PLPP4: variants seen among roughly 807,000 people sequenced by gnomAD.
PLPP4 encodes diacylglycerol pyrophosphate like 2.
In PLPP4, 20 loss-of-function variants were observed where a neutral mutation model predicts 32.2. The ratio of observed to expected loss-of-function variants is 0.62; its 90% CI spans 0.44 to 0.90. The LOEUF (loss-of-function observed/expected upper bound fraction) is 0.90. Among genes scored for constraint, PLPP4 ranks in the 40% least tolerant of loss-of-function variants. The pLI is 0.00. For synonymous variants in PLPP4, 127 were observed against 133.0 expected (o/e 0.95, Z 0.31); for missense variants, 257 against 353.1 (o/e 0.73, Z 2.18).
chr10:120,519,264 A>G (rs1467547595), intron 4 of PLPP4, among the ~76,000 whole-genome samples: 1 of 152,102 alleles, frequency 6.6e-6, no homozygotes, highest in African/African-American at 2.4e-5. Flanking sequence ...GATGAGACAT[A>G]TGGATTGGCA....
At chr10:120,517,298 A>G (rs1416626658) in intron 3 of PLPP4, among the ~76,000 whole-genome samples, 2 of 152,176 alleles carry the variant, frequency 1.3e-5, no homozygotes, top group South Asian at 2.1e-4. Flanking sequence ...TTTTGCGGCA[A>G]TCTCACAACC....
Position 120,478,716 on chromosome 10 carries a change from T to A in PLPP4, c.56+21355T>A, listed in dbSNP as rs1844047815. 5.9e-5 allele frequency among the ~76,000 whole-genome samples: 9 copies of A among 152,354 alleles called. No homozygotes were observed. In the South Asian group the frequency reaches 1.9e-3, roughly 32 times the overall value. On this transcript the variant is annotated intron_variant, in intron 1 of 6. Coordinates refer to ENST00000398250, the MANE Select transcript of PLPP4 (RefSeq NM_001030059.3). ...TTCCCTTGGTTTTATGCCTTCAGCA[T>A]TTTCCTATGCCAAATATTCTTTCTT...
chr10:120,547,413 AGTGG>A (rs1847678489), intron 5 of PLPP4, among the ~76,000 whole-genome samples: 1 of 152,192 alleles, frequency 6.6e-6, no homozygotes, highest in African/African-American at 2.4e-5. Flanking sequence ...ACATTTTTGA[AGTGG>A]ACGTTGAAAA....
At chr10:120,472,761 A>G (rs1197681253) in intron 1 of PLPP4, among the ~76,000 whole-genome samples, 1 of 151,988 alleles carries the variant, frequency 6.6e-6, no homozygotes. Flanking sequence ...CAGATCTTGG[A>G]TGCTCTATTC....
At chr10:120,551,256 G>C (rs909791918) in intron 5 of PLPP4, among the ~76,000 whole-genome samples, 1 of 152,182 alleles carries the variant, frequency 6.6e-6, no homozygotes, top group Non-Finnish European at 1.5e-5. Context: ...ATGGATTTAA[G>C]TGTAATTCTC....
chr10:120,557,133 G>GT (rs2134001238), intron 5 of PLPP4, among the ~76,000 whole-genome samples: 1 of 152,236 alleles, frequency 6.6e-6, no homozygotes, highest in Non-Finnish European at 1.5e-5. Context: ...GCTGACCATC[G>GT]TAACAAATGG....
chr10:120,551,688 C>T (rs1847909899), intron 5 of PLPP4, among the ~76,000 whole-genome samples: 1 of 152,118 alleles, frequency 6.6e-6, no homozygotes, highest in Non-Finnish European at 1.5e-5. Flanking sequence ...GTGGGGAGGT[C>T]ATTGGCAAGG....
At chr10:120,517,960 A>G (rs1024329593) in intron 3 of PLPP4, among the ~76,000 whole-genome samples, 1 of 152,188 alleles carries the variant, frequency 6.6e-6, no homozygotes, top group Admixed American at 6.5e-5. Context: ...ATGCTTTATT[A>G]TTCAACAAAG....
At chr10:120,527,268 A>T (rs2133924679) in intron 5 of PLPP4, among the ~76,000 whole-genome samples, 1 of 151,918 alleles carries the variant, frequency 6.6e-6, no homozygotes, top group East Asian at 1.9e-4. Flanking sequence ...GTAAGAATTG[A>T]TGTTACATTG....
At chr10:120,531,816 T>TATATATATATGTACACACACTACAC (rs768589112) in intron 5 of PLPP4, among the ~76,000 whole-genome samples, 14 of 147,470 alleles carry the variant, frequency 9.5e-5, no homozygotes, top group Admixed American at 9.3e-4. Flanking sequence ...CCACAGTACA[T>TATATATATATGTACACACACTACAC]ATATATATAT....
At chr10:120,464,615 G>A (rs925461266) in intron 1 of PLPP4, among the ~76,000 whole-genome samples, 1 of 152,196 alleles carries the variant, frequency 6.6e-6, no homozygotes. Flanking sequence ...CTCAGCAGTG[G>A]CTTAAATTGC....
intron 6 of PLPP4, 38 bp from the exon 7 acceptor site, chr10:120,589,265 G>C (rs1340668478): frequency 1.3e-6 from 2 of 1,594,466 alleles, no homozygotes; most frequent in East Asian, 2.2e-5. Flanking sequence ...TTGAACAAAT[G>C]GTAACCCATT....
At chr10:120,571,089 G>A (rs1203883940) in intron 5 of PLPP4, among the ~76,000 whole-genome samples, 1 of 96,326 alleles carries the variant, frequency 1.0e-5, no homozygotes, top group Admixed American at 1.2e-4. Context: ...CAGTAGTAAA[G>A]GGGCGTGTGT....
intron 1 of PLPP4, among the ~76,000 whole-genome samples, chr10:120,499,693 C>T (rs1015716659): frequency 6.6e-6 from 1 of 152,140 alleles, no homozygotes; most frequent in Non-Finnish European, 1.5e-5. Flanking sequence ...AAGGTCTTTT[C>T]TGAACCTGCT....
In PLPP4 at chr10:120,590,365, T is replaced by C. The variant is rs556807122; in HGVS notation, c.*863T>C. On this transcript the variant is annotated 3_prime_UTR_variant, in exon 7 of 7. Coordinates refer to ENST00000398250, the MANE Select transcript of PLPP4 (RefSeq NM_001030059.3). The stretch of plus-strand genomic sequence containing the variant: ...CTGGGGCTCATCTCAAGGGAGTGGC[T>C]GAGTGGCCATTGGGGATAAGAAGCA... 2.0e-4 allele frequency among the ~76,000 whole-genome samples: 31 copies of C among 152,080 alleles called. No individual in the cohort carries two copies. The highest frequency in any genetic ancestry group is 7.2e-4 in the African/African-American group (30 of 41,540).
At chr10:120,492,688 C>T (rs560024148) in intron 1 of PLPP4, among the ~76,000 whole-genome samples, 6 of 152,218 alleles carry the variant, frequency 3.9e-5, no homozygotes, top group Non-Finnish European at 8.8e-5. Context: ...AACTCCACAG[C>T]TCTGGCTGCC....
intron 3 of PLPP4, 101 bp downstream of exon 3, chr10:120,514,102 G>T: frequency 2.1e-6 from 2 of 940,856 alleles, no homozygotes; most frequent in Non-Finnish European, 3.5e-6. Context: ...TTTTTCTTTT[G>T]GTCAAATTAA....
At chr10:120,520,119 GA>G (rs1420236921) in intron 4 of PLPP4, among the ~76,000 whole-genome samples, 1 of 152,194 alleles carries the variant, frequency 6.6e-6, no homozygotes, top group Non-Finnish European at 1.5e-5. Flanking sequence ...CACTGTGTCT[GA>G]AGCCTAGTAA....
chr10:120,519,775 T>G (rs1846075872), intron 4 of PLPP4, among the ~76,000 whole-genome samples: 1 of 152,138 alleles, frequency 6.6e-6, no homozygotes, highest in Non-Finnish European at 1.5e-5. Flanking sequence ...CCTGGAGTGC[T>G]CAGAAAGCAA....
Sources: gnomAD v4.1 joint callset for allele counts (sites outside exome capture counted in the v4.1 genomes callset) on GRCh38, gnomAD v4.1.1 for gene constraint, MANE v1.5 for transcripts, NCBI Gene and HGNC (gene_info 2026-07-23, HGNC 2026-07-21) for gene names.